Variants in ANKS1B observed in about 807,000 individuals in gnomAD.
ANKS1B encodes the protein ankyrin repeat and sterile alpha motif domain-containing protein 1B.
In ANKS1B, 36 loss-of-function variants were observed where a neutral mutation model predicts 148.3. The ratio of observed to expected loss-of-function variants is 0.24; its 90% CI spans 0.19 to 0.32. The LOEUF is 0.32. Ranked by LOEUF, ANKS1B falls within the 10% of genes least tolerant of loss-of-function variation. The probability of loss-of-function intolerance (pLI) is 1.00; values close to 1 mark genes in which losing one functional copy is unlikely to be tolerated. For synonymous variants in ANKS1B, 542 were observed against 560.8 expected (o/e 0.97, Z 0.47); for missense variants, 1,157 against 1,542.6 (o/e 0.75, Z 4.19).
intron 17 of ANKS1B, among the ~76,000 whole-genome samples, chr12:98,936,351 G>T (rs551164093): frequency 6.6e-4 from 100 of 152,266 alleles, no homozygotes; most frequent in African/African-American, 2.1e-3. Flanking sequence ...CAATTTGGCT[G>T]GGCATGGTGG....
At chr12:99,600,579 C>T (rs1345168317) in intron 9 of ANKS1B, among the ~76,000 whole-genome samples, 4 of 152,008 alleles carry the variant, frequency 2.6e-5, no homozygotes, top group Non-Finnish European at 5.9e-5. Context: ...AATCACTATT[C>T]ATAGACATGT....
intron 6 of ANKS1B, among the ~76,000 whole-genome samples, chr12:99,778,618 T>C (rs1297865388): frequency 6.6e-6 from 1 of 152,222 alleles, no homozygotes; most frequent in Non-Finnish European, 1.5e-5. Context: ...TCTTATTTTT[T>C]AGCTTTTATT....
intron 16 of ANKS1B, among the ~76,000 whole-genome samples, chr12:99,066,333 A>C (rs1399450368): frequency 6.6e-6 from 1 of 152,200 alleles, no homozygotes; most frequent in Non-Finnish European, 1.5e-5. Flanking sequence ...AAAATAAAAA[A>C]GTAAAAAATA....
chr12:99,137,480 G>A (rs2068534084), intron 15 of ANKS1B, among the ~76,000 whole-genome samples: 1 of 152,028 alleles, frequency 6.6e-6, no homozygotes, highest in Admixed American at 6.5e-5. Context: ...GGGTGTGGAG[G>A]GGAAGGAAAG....
chr12:99,182,906 A>T (rs969199052), intron 14 of ANKS1B, among the ~76,000 whole-genome samples: 1 of 152,194 alleles, frequency 6.6e-6, no homozygotes, highest in Non-Finnish European at 1.5e-5. Flanking sequence ...TTTCTCTGAT[A>T]ATCAATGATG....
chr12:99,605,569 G>A (rs1327052421), intron 9 of ANKS1B, among the ~76,000 whole-genome samples: 1 of 151,994 alleles, frequency 6.6e-6, no homozygotes, highest in Non-Finnish European at 1.5e-5. Flanking sequence ...CCACATATGA[G>A]TGAGAATATG....
intron 1 of ANKS1B, among the ~76,000 whole-genome samples, chr12:99,870,858 C>T (rs1282857010): frequency 6.6e-6 from 1 of 152,000 alleles, no homozygotes; most frequent in African/African-American, 2.4e-5. Flanking sequence ...ATATTTTCTC[C>T]CATTCCATAG....
chr12:98,856,333 A>G (rs1230760300), intron 17 of ANKS1B, among the ~76,000 whole-genome samples: 1 of 152,194 alleles, frequency 6.6e-6, no homozygotes, highest in African/African-American at 2.4e-5. Flanking sequence ...TACCAGTAAT[A>G]GAGAGCTCAC....
rs532588392 is a variant in ANKS1B at position 98,876,935 on chromosome 12, A to G, written c.2779-44799T>C. 3.9e-5 allele frequency among the ~76,000 whole-genome samples: 6 copies of G among 152,338 alleles called. No individual in the cohort carries two copies. The East Asian group carries it at 1.2e-3, about 29-fold the overall frequency. On this transcript the variant is annotated intron_variant, in intron 17 of 26. Coordinates refer to ENST00000683438, the MANE Select transcript of ANKS1B (RefSeq NM_001352186.2). ...AAGCAGCATTTTATACCAGGTATTT[A>G]AATCTATTTTCACTGTGAGTTTATT...
rs1565925933 is a variant in ANKS1B, at chr12:98,744,147, G to C, written c.*1592C>G. Reference sequence around the variant, plus strand: ...AATTGCCTCCTGGTACCATATTTTAGTGTTATTTAACTCTCATTTTGCTAC... The same window carrying C: ...AATTGCCTCCTGGTACCATATTTTACTGTTATTTAACTCTCATTTTGCTAC... On this transcript the variant is annotated 3_prime_UTR_variant, in exon 27 of 27. Coordinates refer to ENST00000683438, the MANE Select transcript of ANKS1B (RefSeq NM_001352186.2). The C allele has an allele frequency of 1.0e-6, 1 of 985,538 alleles. No homozygotes were observed. Among genetic ancestry groups the C allele is most frequent in the African/African-American group, 1.7e-5 (1 of 57,210 alleles). The allele number at this position is 985,538 out of a possible 1,614,324, so 61.0% of individuals were successfully genotyped here.
chr12:98,757,834 A>T (rs1437437569), intron 25 of ANKS1B, among the ~76,000 whole-genome samples: 1 of 152,244 alleles, frequency 6.6e-6, no homozygotes, highest in Non-Finnish European at 1.5e-5. Flanking sequence ...TCTTTCTAGC[A>T]TAAGTCTTTT....
intron 8 of ANKS1B, among the ~76,000 whole-genome samples, chr12:99,734,300 T>G (rs750063988): frequency 5.3e-5 from 8 of 152,088 alleles, no homozygotes; most frequent in Non-Finnish European, 1.0e-4. Flanking sequence ...ACCTACATAC[T>G]CATTTCTCCC....
At chr12:99,346,008 T>C (rs1235284235) in intron 12 of ANKS1B, among the ~76,000 whole-genome samples, 1 of 152,034 alleles carries the variant, frequency 6.6e-6, no homozygotes, top group African/African-American at 2.4e-5. Context: ...ACTGGCATTA[T>C]TTTTAGGAGC....
intron 17 of ANKS1B, among the ~76,000 whole-genome samples, chr12:98,894,253 A>C (rs1157334785): frequency 6.6e-6 from 1 of 152,194 alleles, no homozygotes. Context: ...TGGCTTTTTA[A>C]TATTAAAGAC....
At chr12:99,788,399 A>C (rs2065232601) in intron 4 of ANKS1B, among the ~76,000 whole-genome samples, 1 of 152,120 alleles carries the variant, frequency 6.6e-6, no homozygotes, top group Non-Finnish European at 1.5e-5. Context: ...TGAAGGAAAG[A>C]ACCCAGTCCT....
intron 16 of ANKS1B, among the ~76,000 whole-genome samples, chr12:99,059,562 G>A (rs1362196957): frequency 6.6e-6 from 1 of 152,028 alleles, no homozygotes; most frequent in Non-Finnish European, 1.5e-5. Flanking sequence ...TGTTTCCATA[G>A]CACAGAAGAC....
At chr12:99,113,682 T>G (rs979383175) in intron 15 of ANKS1B, among the ~76,000 whole-genome samples, 2 of 152,160 alleles carry the variant, frequency 1.3e-5, no homozygotes, top group African/African-American at 2.4e-5. Context: ...CTTCATCCAA[T>G]AGCATGATTT....
intron 14 of ANKS1B, among the ~76,000 whole-genome samples, chr12:99,164,654 C>A (rs930976995): frequency 1.3e-5 from 2 of 152,082 alleles, no homozygotes; most frequent in Admixed American, 6.6e-5. Context: ...AAATTAGACC[C>A]TCAGAATGTT....
intron 14 of ANKS1B, among the ~76,000 whole-genome samples, chr12:99,156,003 C>T (rs1030540076): frequency 5.9e-5 from 9 of 152,196 alleles, no homozygotes; most frequent in African/African-American, 2.2e-4. Context: ...CTCATCCCCC[C>T]AGAGCAGCCG....
Sources: allele counts gnomAD v4.1 joint callset (sites outside exome capture counted in the v4.1 genomes callset), GRCh38; gene constraint gnomAD v4.1.1; transcripts MANE v1.5; gene names NCBI Gene and HGNC (gene_info 2026-07-23, HGNC 2026-07-21).